Variants in WDPCP observed in about 807,000 individuals in gnomAD.
WDPCP encodes the protein WD repeat containing planar cell polarity effector, also known as WD repeat-containing and planar cell polarity effector protein fritz homolog.
WDPCP carries 71 observed loss-of-function variants against 93.1 expected under a neutral mutation model. The observed-to-expected ratio is 0.76, with a 90% CI of 0.63 to 0.93. The LOEUF is 0.93. Among genes scored for constraint, WDPCP ranks in the 40% least tolerant of loss-of-function variants. The pLI, the probability that WDPCP is intolerant of heterozygous loss-of-function variation, is 0.00. For missense variants in WDPCP, 844 were observed against 887.4 expected (o/e 0.95, Z 0.62); for synonymous variants, 315 against 315.0 (o/e 1.00, Z 0.00).
At chr2:63,541,243 G>A (rs1317941735) in intron 1 of WDPCP, among the ~76,000 whole-genome samples, 5 of 152,100 alleles carry the variant, frequency 3.3e-5, no homozygotes, top group African/African-American at 7.2e-5. Flanking sequence ...AAAGTGCTGC[G>A]ATTACAGACA....
intron 2 of WDPCP, among the ~76,000 whole-genome samples, chr2:63,749,251 A>G (rs1011895173): frequency 6.6e-6 from 1 of 152,026 alleles, no homozygotes; most frequent in Non-Finnish European, 1.5e-5. Context: ...GGCTCTGTAG[A>G]TTCAGGATAA....
At chr2:63,787,118 A>C (rs1427705789) in intron 2 of WDPCP, among the ~76,000 whole-genome samples, 1 of 152,226 alleles carries the variant, frequency 6.6e-6, no homozygotes, top group African/African-American at 2.4e-5. Context: ...TTGGATCCTA[A>C]GAAAATAAAC....
chr2:63,223,035 A>C (rs1053776299), intron 14 of WDPCP, among the ~76,000 whole-genome samples: 1 of 152,182 alleles, frequency 6.6e-6, no homozygotes, highest in Non-Finnish European at 1.5e-5. Flanking sequence ...ATCTATAACC[A>C]GATAAGATAA....
chr2:63,530,605 G>A (rs1169981397), intron 1 of WDPCP, among the ~76,000 whole-genome samples: 10 of 152,156 alleles, frequency 6.6e-5, no homozygotes, highest in African/African-American at 2.4e-4. Context: ...TGATACCTCA[G>A]CTACTCTGTT....
chr2:63,594,609 C>T, intron 3 of WDPCP: 1 of 1,500,648 alleles, frequency 6.7e-7, no homozygotes, highest in Non-Finnish European at 9.3e-7. Context: ...GTCTATAAAT[C>T]TTAAGTTATT....
At chr2:63,649,532 G>A (rs1265012848) in intron 3 of WDPCP, among the ~76,000 whole-genome samples, 6 of 152,120 alleles carry the variant, frequency 3.9e-5, no homozygotes, top group Non-Finnish European at 7.4e-5. Flanking sequence ...GATTTTGTGG[G>A]AATATGTTTT....
chr2:63,169,296 G>T (rs1029439574), intron 15 of WDPCP, among the ~76,000 whole-genome samples: 1 of 152,152 alleles, frequency 6.6e-6, no homozygotes, highest in Non-Finnish European at 1.5e-5. Context: ...TTCTTTTAGC[G>T]TTCATACTTG....
chr2:63,580,570 A>G (rs1464868469), intron 1 of WDPCP, among the ~76,000 whole-genome samples: 1 of 152,150 alleles, frequency 6.6e-6, no homozygotes, highest in Non-Finnish European at 1.5e-5. Context: ...ACAAACCCAA[A>G]TTGAGGGATG....
intron 2 of WDPCP, among the ~76,000 whole-genome samples, chr2:63,698,860 T>C (rs1307411737): frequency 2.0e-5 from 3 of 152,202 alleles, no homozygotes; most frequent in African/African-American, 7.2e-5. Flanking sequence ...CATGGACATG[T>C]AGCCATCTTT....
intron 3 of WDPCP, among the ~76,000 whole-genome samples, chr2:63,611,195 T>G (rs1437856795): frequency 2.0e-5 from 3 of 152,240 alleles, no homozygotes; most frequent in Non-Finnish European, 4.4e-5. Flanking sequence ...CAAACTTTAT[T>G]TAGCCAGTCT....
chr2:63,629,736 G>C (rs1709845032), intron 3 of WDPCP, among the ~76,000 whole-genome samples: 1 of 152,250 alleles, frequency 6.6e-6, no homozygotes, highest in South Asian at 2.1e-4. Flanking sequence ...AGTGGAGGTT[G>C]AGGGAGGGAC....
chr2:63,428,385 C>A (rs1696479589), intron 9 of WDPCP, among the ~76,000 whole-genome samples: 1 of 152,150 alleles, frequency 6.6e-6, no homozygotes, highest in Non-Finnish European at 1.5e-5. Flanking sequence ...AGTTAATTCA[C>A]CACAATCAAG....
chr2:63,522,493 C>A (rs1469380361), intron 1 of WDPCP, among the ~76,000 whole-genome samples: 2 of 151,064 alleles, frequency 1.3e-5, no homozygotes, highest in South Asian at 4.2e-4. Context: ...CACACACACA[C>A]ACAAACATAC....
At chr2:63,308,480 C>T (rs544781499) in intron 13 of WDPCP, among the ~76,000 whole-genome samples, 2 of 152,310 alleles carry the variant, frequency 1.3e-5, no homozygotes, top group East Asian at 1.9e-4. Context: ...ATAGCAAAGA[C>T]TTGGAACCAA....
At chr2:63,570,767 C>G (rs560734692) in intron 1 of WDPCP, among the ~76,000 whole-genome samples, 33 of 152,180 alleles carry the variant, frequency 2.2e-4, no homozygotes, top group African/African-American at 7.9e-4. Flanking sequence ...TTGCCATATG[C>G]TAGTCATGAA....
the WDPCP span, among the ~76,000 whole-genome samples, chr2:63,838,092 C>G: frequency 6.6e-6 from 1 of 150,838 alleles, no homozygotes; most frequent in Non-Finnish European, 1.5e-5. Context: ...GAAACTCTAT[C>G]TCAAAGAAAA....
rs1356321788 is a variant in WDPCP at position 63,706,667 on chromosome 2, A to G, written n.309-55829T>C. Among the ~76,000 whole-genome samples, 5 of 120,334 alleles carry G rather than the reference A, an allele frequency of 4.2e-5. No individual in the cohort carries two copies. In the Admixed American group the frequency reaches 6.1e-4, roughly 15 times the overall value. 78.9% of individuals were successfully genotyped at this position (120,334 alleles called of 152,430 possible). A position where few individuals can be genotyped will look rare whatever the true frequency, so the allele number is the denominator to read the frequency against. ...CTCTGTCGCCCAGGCTGGACTGCGG[A>G]CTGCAGTGGCGCAATCTCGGCTCAC... On this transcript the variant is annotated intron_variant and non_coding_transcript_variant, in intron 2 of 4. Coordinates refer to the WDPCP transcript ENST00000467687.
At chr2:63,201,862 A>G (rs1675938622) in intron 14 of WDPCP, among the ~76,000 whole-genome samples, 2 of 151,994 alleles carry the variant, frequency 1.3e-5, no homozygotes, top group African/African-American at 4.8e-5. Context: ...GTAATTATTC[A>G]TCATTTCTAT....
intron 2 of WDPCP, among the ~76,000 whole-genome samples, chr2:63,725,736 C>A (rs1215859518): frequency 6.6e-6 from 1 of 152,040 alleles, no homozygotes; most frequent in East Asian, 1.9e-4. Flanking sequence ...TAATAATAAC[C>A]ATTCTGACTG....
Sources: allele counts gnomAD v4.1 joint callset (sites outside exome capture counted in the v4.1 genomes callset), GRCh38; gene constraint gnomAD v4.1.1; transcripts MANE v1.5; gene names NCBI Gene and HGNC (gene_info 2026-07-23, HGNC 2026-07-21).